Variants in RFTN2 observed in about 807,000 individuals in gnomAD.
RFTN2 encodes the protein raftlin-2.
A neutral mutation model predicts 52.7 loss-of-function variants in RFTN2; 34 were observed. That is an observed-to-expected ratio of 0.64 (90% CI 0.49 to 0.86). RFTN2 has a LOEUF of 0.86. Among genes scored for constraint, RFTN2 ranks in the 40% least tolerant of loss-of-function variants. The pLI is 0.00. For synonymous variants in RFTN2, 203 were observed against 217.7 expected (o/e 0.93, Z 0.59); for missense variants, 536 against 600.1 (o/e 0.89, Z 1.12).
Position 197,583,100 on chromosome 2 carries a change from C to T in RFTN2, c.1234-10820G>A, listed in dbSNP as rs551184525. Among the ~76,000 whole-genome samples, 105 of 152,258 alleles carry T rather than the reference C, an allele frequency of 6.9e-4. 3 individuals are homozygous for T. The South Asian group carries it at 8.9e-3, about 13-fold the overall frequency. On this transcript the variant is annotated intron_variant, in intron 8 of 8. Transcript: ENST00000295049. ...CCATGTAGGTTACAAGCCATTAGCC[C>T]GCCTCTTAGAACCTCTCATTTCCTT...
At chr2:197,646,095 G>A (rs1237201427) in intron 2 of RFTN2, among the ~76,000 whole-genome samples, 4 of 152,190 alleles carry the variant, frequency 2.6e-5, no homozygotes, top group African/African-American at 9.6e-5. Context: ...ATGTAGGACA[G>A]TCAGAAAGCT....
In RFTN2 at chr2:197,600,141, G is replaced by A. The variant is rs761645404; in HGVS notation, c.1155-4072C>T. 3.9e-4 allele frequency among the ~76,000 whole-genome samples: 60 copies of A among 152,216 alleles called. 1 individual carries two copies. Among genetic ancestry groups the A allele is most frequent in the Non-Finnish European group, 5.9e-4 (40 of 68,048 alleles). ...CCCAAAGTGCCAGGATTACAGGCAT[G>A]AGCCACCTCGCCTGGCCTAAGCACG... is the stretch of plus-strand genomic sequence containing the variant. On this transcript the variant is annotated intron_variant, in intron 7 of 8. Coordinates refer to ENST00000295049, the MANE Select transcript of RFTN2 (RefSeq NM_144629.3).
At chr2:197,621,008 A>G (rs1044942099) in intron 5 of RFTN2, among the ~76,000 whole-genome samples, 2 of 151,206 alleles carry the variant, frequency 1.3e-5, no homozygotes, top group Non-Finnish European at 3.0e-5. Context: ...AAACAAACAA[A>G]AAACCCAGTG....
intron 8 of RFTN2, among the ~76,000 whole-genome samples, chr2:197,589,397 A>G (rs922260075): frequency 6.6e-6 from 1 of 152,138 alleles, no homozygotes; most frequent in African/African-American, 2.4e-5. Flanking sequence ...TTTCTTTTGT[A>G]AATTACCCAG....
chr2:197,598,929 G>C (rs1302480091), intron 7 of RFTN2, among the ~76,000 whole-genome samples: 1 of 151,986 alleles, frequency 6.6e-6, no homozygotes, highest in African/African-American at 2.4e-5. Flanking sequence ...AAGCATCCTT[G>C]ATGTCTATTT....
At chr2:197,619,865 CTTTT>C (rs560114395) in intron 5 of RFTN2, among the ~76,000 whole-genome samples, 4 of 139,218 alleles carry the variant, frequency 2.9e-5, no homozygotes, top group African/African-American at 5.2e-5. Context: ...AAGAGCAACA[CTTTT>C]TTTTTTTTTT....
chr2:197,647,292 G>A (rs913655231), intron 1 of RFTN2, among the ~76,000 whole-genome samples: 1 of 151,904 alleles, frequency 6.6e-6, no homozygotes, highest in Admixed American at 6.6e-5. Flanking sequence ...GCACAATCGT[G>A]GCTCTCTGTA....
At chr2:197,574,303 G>C (rs2087376187) in intron 8 of RFTN2, among the ~76,000 whole-genome samples, 2 of 152,206 alleles carry the variant, frequency 1.3e-5, no homozygotes, top group Non-Finnish European at 1.5e-5. Flanking sequence ...GCATCAGTGT[G>C]ACCTGGATGT....
Position 197,675,309 on chromosome 2 carries a change from G to T in RFTN2, c.139+11C>A, listed in dbSNP as rs1414228656. ...GAAACATTTAACAAACAAAATAGAA[G>T]CAAAAAGTACCTTGTAGAGTAAAAT... On this transcript the variant is annotated intron_variant, in intron 1 of 8. Transcript: ENST00000295049. 2 of 1,570,796 alleles carry T rather than the reference G, an allele frequency of 1.3e-6. No individual in the cohort carries two copies. The highest frequency in any genetic ancestry group is 1.7e-6 in the Non-Finnish European group (2 of 1,160,934).
intron 8 of RFTN2, among the ~76,000 whole-genome samples, chr2:197,586,555 A>G (rs1171106650): frequency 2.6e-5 from 4 of 152,202 alleles, no homozygotes; most frequent in Non-Finnish European, 5.9e-5. Flanking sequence ...CAATTTGCAA[A>G]TGGGACGGAA....
intron 5 of RFTN2, among the ~76,000 whole-genome samples, chr2:197,619,823 T>C (rs1203673315): frequency 6.7e-6 from 1 of 149,762 alleles, no homozygotes; most frequent in Non-Finnish European, 1.5e-5. Context: ...AATAATCTCC[T>C]CCTCCTCTTG....
At chr2:197,671,827 C>T (rs2106277859) in intron 1 of RFTN2, among the ~76,000 whole-genome samples, 1 of 152,206 alleles carries the variant, frequency 6.6e-6, no homozygotes, top group South Asian at 2.1e-4. Context: ...TATTGTAGAA[C>T]CTCTTTTTAC....
chr2:197,575,364 TGA>T (rs1553597096), intron 8 of RFTN2, among the ~76,000 whole-genome samples: 1 of 152,236 alleles, frequency 6.6e-6, no homozygotes, highest in Non-Finnish European at 1.5e-5. Context: ...TAATTCAGAC[TGA>T]GTTTATTTTG....
chr2:197,603,763 C>T (rs2087916568), intron 7 of RFTN2, among the ~76,000 whole-genome samples: 1 of 151,976 alleles, frequency 6.6e-6, no homozygotes, highest in South Asian at 2.1e-4. Context: ...AAAAAAACTA[C>T]AAAGAAAAAC....
At chr2:197,580,309 C>T (rs142982964) in intron 8 of RFTN2, among the ~76,000 whole-genome samples, 19 of 152,336 alleles carry the variant, frequency 1.2e-4, no homozygotes, top group African/African-American at 4.6e-4. Context: ...GCCACATCTC[C>T]AGCACACAGG....
At chr2:197,646,897 C>CA (rs35611096) in intron 1 of RFTN2, among the ~76,000 whole-genome samples, 57,982 of 88,192 alleles carry the variant, frequency 0.66, 19,410 homozygotes, top group Non-Finnish European at 0.68. Context: ...ATTGTCTCTA[C>CA]AAAAAAAAAA....
At chr2:197,609,112 A>T (rs573259265) in intron 7 of RFTN2, among the ~76,000 whole-genome samples, 5 of 152,146 alleles carry the variant, frequency 3.3e-5, no homozygotes, top group Non-Finnish European at 5.9e-5. Flanking sequence ...GTGTGTCTTT[A>T]TAGTAGTATG....
chr2:197,591,657 CG>C (rs750266267), intron 8 of RFTN2, among the ~76,000 whole-genome samples: 17 of 151,984 alleles, frequency 1.1e-4, no homozygotes, highest in Admixed American at 7.2e-4. Flanking sequence ...GGTGGTGGAG[CG>C]GGGGGGCTCA....
At chr2:197,625,706 C>CTCCTA (rs1559354399) in intron 5 of RFTN2, among the ~76,000 whole-genome samples, 2 of 141,578 alleles carry the variant, frequency 1.4e-5, no homozygotes, top group Non-Finnish European at 3.1e-5. Context: ...CTCCTCTCCT[C>CTCCTA]TCCTCTCCTC....
Sources: gnomAD v4.1 joint callset for allele counts (sites outside exome capture counted in the v4.1 genomes callset) on GRCh38, gnomAD v4.1.1 for gene constraint, MANE v1.5 for transcripts, NCBI Gene and HGNC (gene_info 2026-07-23, HGNC 2026-07-21) for gene names.